Variants in NKAIN3 observed in about 807,000 individuals in gnomAD.
The protein encoded by NKAIN3 is sodium/potassium-transporting ATPase subunit beta-1-interacting protein 3.
A neutral mutation model predicts 30.2 loss-of-function variants in NKAIN3; 25 were observed. That is an observed-to-expected ratio of 0.83 (90% CI 0.60 to 1.16). The LOEUF is 1.16. Among genes scored for constraint, NKAIN3 ranks in the 50% most tolerant of loss-of-function variants. NKAIN3 has a pLI of 0.00. For missense variants in NKAIN3, 225 were observed against 254.1 expected, an observed-to-expected ratio of 0.89 and a Z score of 0.78; for synonymous variants, 91 against 89.6, an observed-to-expected ratio of 1.02 and a Z score of -0.09.
chr8:62,878,061 A>C (rs1344350685), intron 4 of NKAIN3, among the ~76,000 whole-genome samples: 1 of 150,268 alleles, frequency 6.7e-6, no homozygotes, highest in East Asian at 2.0e-4. Flanking sequence ...AAAAAAAGAC[A>C]CAAAGAGATC....
At chr8:62,506,979 A>G (rs1010318181) in intron 1 of NKAIN3, among the ~76,000 whole-genome samples, 1 of 152,172 alleles carries the variant, frequency 6.6e-6, no homozygotes, top group African/African-American at 2.4e-5. Context: ...AAATGAAGCC[A>G]TAAAAATATC....
At chr8:62,926,459 A>C (rs1822445701) in intron 5 of NKAIN3, among the ~76,000 whole-genome samples, 1 of 152,200 alleles carries the variant, frequency 6.6e-6, no homozygotes. Flanking sequence ...AGCCTGATGC[A>C]ACCTCACAAC....
At chr8:62,492,457 TC>T (rs962259713) in intron 1 of NKAIN3, among the ~76,000 whole-genome samples, 3 of 152,258 alleles carry the variant, frequency 2.0e-5, no homozygotes, top group Non-Finnish European at 4.4e-5. Flanking sequence ...GGATACTATA[TC>T]TGTTGCCTAT....
At chr8:62,571,595 A>T (rs1365866125) in intron 1 of NKAIN3, among the ~76,000 whole-genome samples, 2 of 151,854 alleles carry the variant, frequency 1.3e-5, no homozygotes, top group African/African-American at 2.4e-5. Flanking sequence ...TCCCTTCCAC[A>T]CTGCCCTAGC....
At chr8:62,252,419 A>G (rs542817674) in intron 1 of NKAIN3, among the ~76,000 whole-genome samples, 42 of 152,336 alleles carry the variant, frequency 2.8e-4, no homozygotes, top group African/African-American at 9.6e-4. Context: ...AAAAACTCAA[A>G]TTGGGAAATT....
intron 1 of NKAIN3, among the ~76,000 whole-genome samples, chr8:62,268,298 G>C (rs950477341): frequency 1.3e-5 from 2 of 152,204 alleles, no homozygotes; most frequent in East Asian, 3.9e-4. Context: ...TGTCTGGAGA[G>C]AAAGACTGTC....
Position 62,965,432 on chromosome 8 carries a change from G to T in NKAIN3, c.*25G>T. 1.0e-6 allele frequency: 1 copy of T among 985,690 alleles called. No homozygotes were observed. Among genetic ancestry groups the T allele is most frequent in the Non-Finnish European group, 1.2e-6 (1 of 829,900 alleles). 61.1% of individuals were successfully genotyped at this position (985,690 alleles called of 1,614,324 possible). On this transcript the variant is annotated 3_prime_UTR_variant, in exon 7 of 7. Transcript: ENST00000623646. Reference sequence around the variant, plus strand: ...GGGAGCAAAGGACCATTGACTGCGCGCCTCGGTGGATCCGACCCGCCTGAC... The same window carrying T: ...GGGAGCAAAGGACCATTGACTGCGCTCCTCGGTGGATCCGACCCGCCTGAC...
At chr8:62,901,652 T>A (rs1028656998) in intron 4 of NKAIN3, among the ~76,000 whole-genome samples, 1 of 152,162 alleles carries the variant, frequency 6.6e-6, no homozygotes, top group African/African-American at 2.4e-5. Context: ...GGTAGGACTT[T>A]TACGTACGTC....
intron 1 of NKAIN3, among the ~76,000 whole-genome samples, chr8:62,557,935 GT>G (rs1368157170): frequency 2.6e-5 from 4 of 152,020 alleles, no homozygotes; most frequent in Non-Finnish European, 5.9e-5. Flanking sequence ...ATTTTTCTTT[GT>G]TTTTATTGCA....
At chr8:62,528,350 T>TTATATAATATAAATATA (rs56144773) in intron 1 of NKAIN3, among the ~76,000 whole-genome samples, 1 of 137,394 alleles carries the variant, frequency 7.3e-6, no homozygotes, top group Non-Finnish European at 1.5e-5. Context: ...AATATATATA[T>TTATATAATATAAATATA]ATATGACTTT....
At chr8:62,739,693 G>GTAAGCC (rs1158550657) in intron 3 of NKAIN3, among the ~76,000 whole-genome samples, 1 of 152,088 alleles carries the variant, frequency 6.6e-6, no homozygotes, top group Admixed American at 6.6e-5. Context: ...ATCTAAGGAA[G>GTAAGCC]TAAGCCCCAA....
intron 5 of NKAIN3, among the ~76,000 whole-genome samples, chr8:62,946,102 A>T (rs1050649766): frequency 3.9e-5 from 6 of 152,198 alleles, no homozygotes; most frequent in Non-Finnish European, 8.8e-5. Context: ...GCCTTCTGAA[A>T]GGTGGAGGAG....
intron 3 of NKAIN3, among the ~76,000 whole-genome samples, chr8:62,670,879 GCACACA>G (rs57917158): frequency 0.022 from 3,094 of 142,052 alleles, 45 homozygotes; most frequent in Non-Finnish European, 0.028. Flanking sequence ...ACACATACAA[GCACACA>G]CACACACACA....
chr8:62,257,673 A>T (rs1411657887), intron 1 of NKAIN3, among the ~76,000 whole-genome samples: 1 of 152,244 alleles, frequency 6.6e-6, no homozygotes, highest in African/African-American at 2.4e-5. Flanking sequence ...TTTCATGAAC[A>T]ACACATATTC....
At position 62,816,839 on chromosome 8, in the gene NKAIN3, C is replaced by T. The variant is rs144322042; in HGVS notation, c.471+69710C>T. ...TGGCACCATGCTGTAGCAACTGTGTCAGAAATCCCACAGAATTTTCTCCCT... is the reference window on the plus strand; with the variant it reads ...TGGCACCATGCTGTAGCAACTGTGTTAGAAATCCCACAGAATTTTCTCCCT... On this transcript the variant is annotated intron_variant, in intron 4 of 6. Transcript: ENST00000623646. 2.0e-4 allele frequency among the ~76,000 whole-genome samples: 30 copies of T among 152,282 alleles called. No homozygotes were observed. In the East Asian group the frequency reaches 5.4e-3, roughly 28 times the overall value.
intron 3 of NKAIN3, among the ~76,000 whole-genome samples, chr8:62,641,420 G>A (rs1812304966): frequency 9.2e-6 from 1 of 108,968 alleles, no homozygotes; most frequent in African/African-American, 6.6e-5. Context: ...ACTCTTCCAT[G>A]TAATTGCAGC....
chr8:62,340,290 T>A (rs1159389864), intron 1 of NKAIN3, among the ~76,000 whole-genome samples: 1 of 151,962 alleles, frequency 6.6e-6, no homozygotes, highest in African/African-American at 2.4e-5. Flanking sequence ...CTTTTTATAA[T>A]TTTTTCCTCC....
chr8:62,700,055 T>G (rs1169199835), intron 3 of NKAIN3, among the ~76,000 whole-genome samples: 1 of 152,096 alleles, frequency 6.6e-6, no homozygotes, highest in Non-Finnish European at 1.5e-5. Flanking sequence ...AGCCCAGGAT[T>G]TCAAGGCTGC....
chr8:62,559,706 T>C (rs561915777), intron 1 of NKAIN3, among the ~76,000 whole-genome samples: 7 of 152,048 alleles, frequency 4.6e-5, no homozygotes, highest in Non-Finnish European at 8.8e-5. Context: ...GCTTCCTCAT[T>C]TTTATAATAT....
Sources: allele counts gnomAD v4.1 joint callset (sites outside exome capture counted in the v4.1 genomes callset), GRCh38; gene constraint gnomAD v4.1.1; transcripts MANE v1.5; gene names NCBI Gene and HGNC (gene_info 2026-07-23, HGNC 2026-07-21).